Variants in C12orf50 observed in about 807,000 individuals in gnomAD.
C12orf50 encodes uncharacterized protein C12orf50.
A neutral mutation model predicts 61.6 loss-of-function variants in C12orf50; 35 were observed. That is an observed-to-expected ratio of 0.57 (90% CI 0.43 to 0.75). The LOEUF (loss-of-function observed/expected upper bound fraction) is 0.75. C12orf50 is among the 30% of genes least tolerant of loss of function. The pLI, the probability that C12orf50 is intolerant of heterozygous loss-of-function variation, is 0.00. For missense variants in C12orf50, 475 were observed against 488.5 expected (o/e 0.97, Z 0.26); for synonymous variants, 178 against 161.5 (o/e 1.10, Z -0.77).
intron 3 of C12orf50, among the ~76,000 whole-genome samples, chr12:88,013,020 C>T (rs761223689): frequency 3.9e-5 from 6 of 151,998 alleles, no homozygotes; most frequent in Non-Finnish European, 8.8e-5. Flanking sequence ...GCTGTGTTCA[C>T]ACCACTGCAC....
chr12:88,023,498 A>C (rs2032593368), intron 3 of C12orf50, among the ~76,000 whole-genome samples: 1 of 138,926 alleles, frequency 7.2e-6, no homozygotes, highest in African/African-American at 3.1e-5. Context: ...CTTCGTCTCT[A>C]CTAAAAAAAA....
chr12:87,989,159 T>G, intron 8 of C12orf50, 105 bp downstream of exon 8: 1 of 758,270 alleles, frequency 1.3e-6, no homozygotes, highest in Non-Finnish European at 2.1e-6. Flanking sequence ...TCAGTGTATA[T>G]TTTGATTTAT....
At chr12:88,017,354 A>G (rs1206250359) in intron 3 of C12orf50, among the ~76,000 whole-genome samples, 1 of 152,188 alleles carries the variant, frequency 6.6e-6, no homozygotes, top group Non-Finnish European at 1.5e-5. Flanking sequence ...GTAAGATGTG[A>G]CTTGCTCCTC....
chr12:87,996,355 C>T lies in C12orf50; in HGVS notation c.481+19G>A, dbSNP rs374425679. ...TATATGTTATAGATCACTATGAATG[C>T]TGCCTTTTCATTTCTTACCTTCTTG... On this transcript the variant is annotated intron_variant, in intron 6 of 12. Coordinates refer to ENST00000298699, the MANE Select transcript of C12orf50 (RefSeq NM_152589.3). 2.0e-6 allele frequency: 3 copies of T among 1,502,538 alleles called. No homozygotes were observed. Among genetic ancestry groups the T allele is most frequent in the East Asian group, 2.3e-5 (1 of 44,220 alleles). 93.1% of individuals were successfully genotyped at this position (1,502,538 alleles called of 1,614,324 possible).
chr12:87,982,110 C>G (rs969443864), intron 12 of C12orf50, among the ~76,000 whole-genome samples: 1 of 152,016 alleles, frequency 6.6e-6, no homozygotes, highest in African/African-American at 2.4e-5. Context: ...CCTTAATACT[C>G]CAAATATCAC....
chr12:88,024,167 T>C (rs377536329), intron 3 of C12orf50, among the ~76,000 whole-genome samples: 7 of 152,192 alleles, frequency 4.6e-5, no homozygotes, highest in Non-Finnish European at 1.0e-4. Context: ...GGAACACTTA[T>C]ATACTGCTGG....
chr12:88,029,612 A>G (rs1047516925), upstream of C12orf50, among the ~76,000 whole-genome samples: 6 of 152,160 alleles, frequency 3.9e-5, no homozygotes, highest in African/African-American at 7.2e-5. Context: ...AATATGGACT[A>G]TAAACTAGTT....
intron 3 of C12orf50, among the ~76,000 whole-genome samples, chr12:88,015,438 A>G (rs2032276507): frequency 1.3e-5 from 2 of 152,236 alleles, no homozygotes; most frequent in Admixed American, 1.3e-4. Flanking sequence ...CTGACCTAGA[A>G]TAAATAAAAA....
intron 7 of C12orf50, among the ~76,000 whole-genome samples, chr12:87,990,673 C>T (rs7313803): frequency 0.17 from 26,218 of 151,782 alleles, 2,935 homozygotes; most frequent in Non-Finnish European, 0.24. Context: ...CGGATTTTTC[C>T]CTGAAAGCAT....
intron 6 of C12orf50, 48 bp from the exon 7 acceptor site, chr12:87,994,791 TA>T: frequency 8.4e-7 from 1 of 1,195,576 alleles, no homozygotes; most frequent in South Asian, 1.3e-5. Flanking sequence ...ATTAGATGCT[TA>T]AATAAGAAAT....
intron 12 of C12orf50, 117 bp downstream of exon 12, chr12:87,982,986 G>A: frequency 3.8e-6 from 2 of 519,578 alleles, no homozygotes; most frequent in Non-Finnish European, 6.8e-6. Flanking sequence ...AATTAAGTGT[G>A]CATGTATATC....
At chr12:88,013,499 A>G (rs575269802) in intron 3 of C12orf50, among the ~76,000 whole-genome samples, 1 of 152,366 alleles carries the variant, frequency 6.6e-6, no homozygotes, top group East Asian at 1.9e-4. Flanking sequence ...GCAGTTATAT[A>G]GGAGAATGCT....
chr12:87,985,682 T>C lies in C12orf50; in HGVS notation c.1126+168A>G, dbSNP rs564901830. ...GTTTTCTTCCATATCCTTTAAATCA[T>C]GTGCAGGACTGCACATGGAAGAAAT... On this transcript the variant is annotated intron_variant, in intron 11 of 12. Coordinates refer to ENST00000298699, the MANE Select transcript of C12orf50 (RefSeq NM_152589.3). 1.8e-4 allele frequency: 119 copies of C among 663,416 alleles called. No individual in the cohort carries two copies. The African/African-American group carries it at 1.8e-3, about 10-fold the overall frequency. The allele number at this position is 663,416 out of a possible 1,614,324, so 41.1% of individuals were successfully genotyped here.
At chr12:88,018,401 G>A (rs1187651658) in intron 3 of C12orf50, among the ~76,000 whole-genome samples, 1 of 152,248 alleles carries the variant, frequency 6.6e-6, no homozygotes, top group African/African-American at 2.4e-5. Flanking sequence ...AGGGCGTGTG[G>A]AAATGCCTGG....
At chr12:88,020,649 T>C (rs2136490071) in intron 3 of C12orf50, among the ~76,000 whole-genome samples, 2 of 152,162 alleles carry the variant, frequency 1.3e-5, no homozygotes, top group South Asian at 4.1e-4. Flanking sequence ...AAAGCAAAGA[T>C]ATTAAGGACC....
intron 1 of C12orf50, among the ~76,000 whole-genome samples, chr12:88,028,462 C>T (rs970128967): frequency 6.6e-6 from 1 of 152,162 alleles, no homozygotes; most frequent in African/African-American, 2.4e-5. Flanking sequence ...AAGATCTATA[C>T]ATCCTAATAC....
intron 12 of C12orf50, 23 bp downstream of exon 12, chr12:87,983,080 T>G (rs1301168477): frequency 7.1e-7 from 1 of 1,401,504 alleles, no homozygotes; most frequent in Non-Finnish European, 9.9e-7. Flanking sequence ...CATGATACAT[T>G]AAAACCACTT....
intron 3 of C12orf50, among the ~76,000 whole-genome samples, chr12:88,000,329 T>C (rs1235393509): frequency 1.3e-5 from 2 of 152,098 alleles, no homozygotes; most frequent in Admixed American, 6.5e-5. Flanking sequence ...TGAAAATCAA[T>C]TGAGCATAAA....
intron 3 of C12orf50, among the ~76,000 whole-genome samples, chr12:87,998,863 A>G (rs10777086): frequency 0.12 from 18,283 of 152,174 alleles, 1,469 homozygotes; most frequent in African/African-American, 0.23. Context: ...ATGGGGGAAA[A>G]AATAGTATTT....
Sources: gnomAD v4.1 joint callset for allele counts (sites outside exome capture counted in the v4.1 genomes callset) on GRCh38, gnomAD v4.1.1 for gene constraint, MANE v1.5 for transcripts, NCBI Gene and HGNC (gene_info 2026-07-23, HGNC 2026-07-21) for gene names.